CHST6: variants seen among roughly 807,000 people sequenced by gnomAD.
CHST6 encodes the protein carbohydrate sulfotransferase 6.
For synonymous variants in CHST6, 309 were observed against 276.4 expected, an observed-to-expected ratio of 1.12 and a Z score of -1.17; for missense variants, 698 against 586.2, an observed-to-expected ratio of 1.19 and a Z score of -1.97.
chr16:75,484,711 G>A (rs2080177142), intron 1 of CHST6, among the ~76,000 whole-genome samples: 1 of 152,136 alleles, frequency 6.6e-6, no homozygotes, highest in East Asian at 1.9e-4. Context: ...GGGTGTGGTG[G>A]TGAGTGCCTG....
rs142663985 is a variant in CHST6 at position 75,473,607 on chromosome 16, G to A, written c.*5034C>T. 2.0e-5 allele frequency: 3 copies of A among 152,252 alleles called. No individual in the cohort carries two copies. The highest frequency in any genetic ancestry group is 1.9e-4 in the East Asian group (1 of 5,176). The allele number at this position is 152,252 out of a possible 1,614,324, so 9.4% of individuals were successfully genotyped here. A position where few individuals can be genotyped will look rare whatever the true frequency, so the allele number is the denominator to read the frequency against. ...CCTCCCCTTTTCTGCCTAAAGGCACGATATAAACTCTCCATCACTGGACAC... is the reference window on the plus strand; with the variant it reads ...CCTCCCCTTTTCTGCCTAAAGGCACAATATAAACTCTCCATCACTGGACAC... On this transcript the variant is annotated 3_prime_UTR_variant, in exon 3 of 3. Transcript: ENST00000332272.
chr16:75,477,227 A>C lies in CHST6; in HGVS notation c.*1414T>G, dbSNP rs2080076249. The C allele has an allele frequency of 6.6e-6, 1 of 152,240 alleles. No homozygotes were observed. The highest frequency in any genetic ancestry group is 2.1e-4 in the South Asian group (1 of 4,832). The allele number at this position is 152,240 out of a possible 1,614,324, so 9.4% of individuals were successfully genotyped here. ...CTAAACCTGGAAGGAACCTAAAATG[A>C]GCTTCAGCTTCAAGGCTAATGTGCC... On this transcript the variant is annotated 3_prime_UTR_variant, in exon 3 of 3. Transcript: ENST00000332272.
chr16:75,478,808 TG>T lies in CHST6; in HGVS notation c.1020del (p.Lys341ArgfsTer40). ...SQAWRHALPF[A>X]KIRRVQELCA... ...CACAGTTCCTGCACGCGGCGGATCT[TG>T]GCAAAGGGCAGCGCATGGCGCCAGG... On this transcript the variant is annotated frameshift_variant, in exon 3 of 3. Transcript: ENST00000332272. LOFTEE classifies it low-confidence loss of function (END_TRUNC). The T allele has an allele frequency of 6.2e-7, 1 of 1,613,458 alleles. No homozygotes were observed. Among genetic ancestry groups the T allele is most frequent in the Admixed American group, 1.7e-5 (1 of 60,028 alleles).
At chr16:75,491,880 G>T (rs1047700626) in intron 1 of CHST6, among the ~76,000 whole-genome samples, 1 of 152,082 alleles carries the variant, frequency 6.6e-6, no homozygotes, top group Admixed American at 6.5e-5. Context: ...AAGTCCAGGG[G>T]CATGAATTAC....
intron 2 of CHST6, 94 bp from the exon 3 acceptor site, chr16:75,479,938 C>T: frequency 9.8e-7 from 1 of 1,017,180 alleles, no homozygotes; most frequent in Non-Finnish European, 1.4e-6. Context: ...ATTCTACCAC[C>T]AGACCCGAGC....
intron 1 of CHST6, among the ~76,000 whole-genome samples, chr16:75,491,667 G>A (rs1373593936): frequency 6.6e-6 from 1 of 152,136 alleles, no homozygotes; most frequent in Non-Finnish European, 1.5e-5. Context: ...ACCGTGCCCG[G>A]CTGGTAATTT....
intron 1 of CHST6, among the ~76,000 whole-genome samples, chr16:75,485,128 G>A (rs182893757): frequency 5.8e-4 from 88 of 152,280 alleles, no homozygotes; most frequent in African/African-American, 1.9e-3. Context: ...CAGGAGGAGG[G>A]TGGAACTAAA....
rs547928453 is a variant in CHST6, at chr16:75,479,111, G to T, written c.718C>A (p.Arg240Ser). The T allele has an allele frequency of 2.1e-5, 33 of 1,605,014 alleles. No individual in the cohort carries two copies. In the South Asian group the frequency reaches 3.3e-4, roughly 16 times the overall value. ...CTACGGCACACCTCGCGCACCACGC[G>T]CAGGCCGGGGTCGGCCTCCACCCAC... ...GTWVEADPGL[R>S]VVREVCRSHV... The change falls in exon 3 of 3, where the codon CGC becomes AGC. Residue 240 changes from arginine to serine, a missense_variant. By Grantham distance (110) the Arg-to-Ser change is moderately radical. Coordinates refer to ENST00000332272, the MANE Select transcript of CHST6 (RefSeq NM_021615.5).
Position 75,473,127 on chromosome 16 carries a change from C to T in CHST6, c.*5514G>A, listed in dbSNP as rs986806202. 6.6e-6 allele frequency: 1 copy of T among 152,302 alleles called. No homozygotes were observed. The highest frequency in any genetic ancestry group is 1.5e-5 in the Non-Finnish European group (1 of 68,080). The allele number at this position is 152,302 out of a possible 1,614,324, so 9.4% of individuals were successfully genotyped here. On this transcript the variant is annotated 3_prime_UTR_variant, in exon 3 of 3. Coordinates refer to ENST00000332272, the MANE Select transcript of CHST6 (RefSeq NM_021615.5). Reference sequence around the variant, plus strand: ...ACAAACCACCACAACACTCAAATGACTGAAACACAATAAGCACTTTTATTG... The same window carrying T: ...ACAAACCACCACAACACTCAAATGATTGAAACACAATAAGCACTTTTATTG...
chr16:75,487,827 AAAG>A (rs2080217053), intron 1 of CHST6, among the ~76,000 whole-genome samples: 1 of 150,124 alleles, frequency 6.7e-6, no homozygotes, highest in South Asian at 2.1e-4. Flanking sequence ...AAAAAAAAAA[AAAG>A]AGAAAAAATA....
At chr16:75,487,618 T>TA (rs2080213084) in intron 1 of CHST6, among the ~76,000 whole-genome samples, 1 of 151,576 alleles carries the variant, frequency 6.6e-6, no homozygotes, top group Non-Finnish European at 1.5e-5. Context: ...GCTAACACAG[T>TA]GAAACCCTGT....
chr16:75,490,970 C>A (rs1281601410), intron 1 of CHST6, among the ~76,000 whole-genome samples: 2 of 151,470 alleles, frequency 1.3e-5, no homozygotes, highest in African/African-American at 2.4e-5. Flanking sequence ...TGTGAAAACA[C>A]TGAATATACT....
At position 75,478,754 on chromosome 16, in the gene CHST6, G is replaced by A. The variant is rs770962055; in HGVS notation, c.1075C>T (p.Arg359Trp). 3.7e-6 allele frequency: 6 copies of A among 1,613,402 alleles called. No individual in the cohort carries two copies. In the African/African-American group the frequency reaches 6.7e-5, roughly 18 times the overall value. Reference sequence around the variant, plus strand: ...TGCTCGTCCTCAGAGTACACAGGCCGGTAGCCCAGCAGCTGCAGCGCACCA... The same window carrying A: ...TGCTCGTCCTCAGAGTACACAGGCCAGTAGCCCAGCAGCTGCAGCGCACCA... ...CAGALQLLGY[R>W]PVYSEDEQRN... The change falls in exon 3 of 3, where the codon CGG (arginine) becomes TGG (tryptophan). Residue 359 changes from arginine to tryptophan, a missense_variant. Coordinates refer to ENST00000332272, the MANE Select transcript of CHST6 (RefSeq NM_021615.5).
chr16:75,479,414 G>T lies in CHST6; in HGVS notation c.415C>A (p.Pro139Thr), dbSNP rs746996025. 1 of 1,612,968 alleles carries T rather than the reference G, an allele frequency of 6.2e-7. No individual in the cohort carries two copies. Among genetic ancestry groups the T allele is most frequent in the Admixed American group, 1.7e-5 (1 of 60,012 alleles). The change falls in exon 3 of 3, where the codon CCC (proline) becomes ACC (threonine). Residue 139 changes from proline (P) to threonine (T), a missense_variant. Pro to Thr is a conservative substitution (Grantham distance 38). Transcript: ENST00000332272. ...GCCTCGCTGCTGATGGCGCCTCGGG[G>T]AAAGGCACTGCAGGCGGGTGGCGAG... The part of the protein sequence containing the change: ...LCSPPACSAF[P>T]RGAISSEAVC...
Position 75,478,830 on chromosome 16 carries a change from C to T in CHST6, c.999G>A (p.Trp333Ter), listed in dbSNP as rs1445117444. 1 of 1,613,442 alleles carries T rather than the reference C, an allele frequency of 6.2e-7. No homozygotes were observed. The highest frequency in any genetic ancestry group is 8.5e-7 in the Non-Finnish European group (1 of 1,179,980). The change falls in exon 3 of 3, where the codon TGG becomes TGA. Residue 333 changes from tryptophan to a stop codon, truncating the protein, a stop_gained. Transcript: ENST00000332272. LOFTEE classifies it low-confidence loss of function (END_TRUNC). ...SRNALNVSQA[W>*]RHALPFAKIR... ...TCTTGGCAAAGGGCAGCGCATGGCG[C>T]CAGGCCTGGGAGACGTTGAGCGCAT...
rs571696773 is a variant in CHST6, at chr16:75,475,280, T to A, written c.*3361A>T. ...GAGGTAAAGTTTTGCTTCCAAGGCC[T>A]ATGCTTCAAACTGGCTCACAGGAAG... On this transcript the variant is annotated 3_prime_UTR_variant, in exon 3 of 3. Transcript: ENST00000332272. 6.6e-6 allele frequency: 1 copy of A among 152,386 alleles called. No homozygotes were observed. Among genetic ancestry groups the A allele is most frequent in the South Asian group, 2.1e-4 (1 of 4,826 alleles). The allele number at this position is 152,386 out of a possible 1,614,324, so 9.4% of individuals were successfully genotyped here.
chr16:75,481,720 G>A (rs1286899950), intron 2 of CHST6, 97 bp downstream of exon 2: 4 of 424,324 alleles, frequency 9.4e-6, no homozygotes, highest in South Asian at 3.6e-5. Context: ...GAGCCCTGTG[G>A]GTTTGCAAGG....
chr16:75,476,387 A>G lies in CHST6; in HGVS notation c.*2254T>C, dbSNP rs933542471. On this transcript the variant is annotated 3_prime_UTR_variant, in exon 3 of 3. Transcript: ENST00000332272. ...GCCAATATGGTGAAACCCAGTGTCT[A>G]CAAAAATACAAAAATTAGCTGGGCA... The G allele has an allele frequency of 2.0e-5, 3 of 151,192 alleles. No homozygotes were observed. Among genetic ancestry groups the G allele is most frequent in the African/African-American group, 7.3e-5 (3 of 41,176 alleles). The allele number at this position is 151,192 out of a possible 1,614,324, so 9.4% of individuals were successfully genotyped here.
Position 75,479,135 on chromosome 16 carries a change from A to G in CHST6, c.694T>C (p.Trp232Arg). Residue 232 changes from tryptophan to arginine, a missense_variant, in exon 3 of 3, where the codon TGG becomes CGG. Physicochemically the swap from Trp to Arg is moderately radical, Grantham distance 101. Transcript: ENST00000332272. Reference sequence around the variant, plus strand: ...CGCAGGCCGGGGTCGGCCTCCACCCACGTGCCGTTGGTGCCCAGCACGATG... The same window carrying G: ...CGCAGGCCGGGGTCGGCCTCCACCCGCGTGCCGTTGGTGCCCAGCACGATG... ...NGIVLGTNGTWVEADPGLRVV... is the reference protein window; with the variant it reads ...NGIVLGTNGTRVEADPGLRVV... The G allele has an allele frequency of 1.9e-6, 3 of 1,606,410 alleles. No individual in the cohort carries two copies. The highest frequency in any genetic ancestry group is 2.5e-6 in the Non-Finnish European group (3 of 1,178,806).
Sources: gnomAD v4.1 joint callset for allele counts (sites outside exome capture counted in the v4.1 genomes callset) on GRCh38, gnomAD v4.1.1 for gene constraint, MANE v1.5 for transcripts, NCBI Gene and HGNC (gene_info 2026-07-23, HGNC 2026-07-21) for gene names.